Variants in RWDD1 observed in about 807,000 individuals in gnomAD.
RWDD1 encodes the protein RWD domain-containing protein 1.
In RWDD1, 17 loss-of-function variants were observed where a neutral mutation model predicts 31.6. The ratio of observed to expected loss-of-function variants is 0.54; its 90% CI spans 0.37 to 0.81. The LOEUF (loss-of-function observed/expected upper bound fraction) is 0.81. Among genes scored for constraint, RWDD1 ranks in the 30% least tolerant of loss-of-function variants. The pLI is 0.00. For missense variants in RWDD1, 204 were observed against 274.5 expected, an observed-to-expected ratio of 0.74 and a Z score of 1.82; for synonymous variants, 78 against 94.2, an observed-to-expected ratio of 0.83 and a Z score of 0.99.
intron 1 of RWDD1, among the ~76,000 whole-genome samples, chr6:116,576,271 A>G (rs1022862631): frequency 5.9e-5 from 9 of 152,198 alleles, no homozygotes; most frequent in Non-Finnish European, 1.0e-4. Flanking sequence ...TACTAGAAAT[A>G]CCATCTTAGT....
intron 1 of RWDD1, among the ~76,000 whole-genome samples, chr6:116,574,984 A>T (rs1418646351): frequency 6.6e-6 from 1 of 151,172 alleles, no homozygotes; most frequent in Non-Finnish European, 1.5e-5. Flanking sequence ...TGCCCAGGTT[A>T]GTCTCAAACT....
intron 1 of RWDD1, 126 bp downstream of exon 1, chr6:116,571,781 C>T: frequency 1.6e-6 from 1 of 644,272 alleles, no homozygotes; most frequent in Non-Finnish European, 2.5e-6. Context: ...GGCCACCTTG[C>T]CCTCCACTCC....
chr6:116,588,755 GA>G, intron 3 of RWDD1, 86 bp from the exon 4 acceptor site: 2 of 857,194 alleles, frequency 2.3e-6, no homozygotes, highest in South Asian at 4.4e-5. Flanking sequence ...TATGAACATA[GA>G]ATATAACCAA....
At chr6:116,591,338 A>G (rs1775140845) in intron 6 of RWDD1, among the ~76,000 whole-genome samples, 1 of 152,200 alleles carries the variant, frequency 6.6e-6, no homozygotes, top group South Asian at 2.1e-4. Context: ...ATAGAAGTAG[A>G]CAATGATGAT....
In RWDD1 at chr6:116,595,164, A is replaced by G. The variant is rs1026142474; in HGVS notation, c.*2063A>G. 6 of 152,250 alleles carry G rather than the reference A, an allele frequency of 3.9e-5. No individual in the cohort carries two copies. The highest frequency in any genetic ancestry group is 1.2e-4 in the African/African-American group (5 of 41,464). 9.4% of individuals were successfully genotyped at this position (152,250 alleles called of 1,614,324 possible). The stretch of plus-strand genomic sequence containing the variant: ...AAAAAATAAAAAGCAATTGTTAGCA[A>G]TGTGGTGCTGAAATCAAGACTTAAC... On this transcript the variant is annotated 3_prime_UTR_variant, in exon 7 of 7. Transcript: ENST00000466444.
intron 6 of RWDD1, among the ~76,000 whole-genome samples, chr6:116,592,160 C>T (rs185221976): frequency 6.6e-5 from 10 of 152,272 alleles, no homozygotes; most frequent in Admixed American, 5.2e-4. Flanking sequence ...GAATGACCTA[C>T]ACAATCTTTC....
chr6:116,589,082 GA>G, intron 4 of RWDD1, 97 bp downstream of exon 4: 1 of 1,022,588 alleles, frequency 9.8e-7, no homozygotes, highest in East Asian at 3.9e-5. Context: ...ATTTTTTTTG[GA>G]AATCACAAAA....
At position 116,590,970 on chromosome 6, in the gene RWDD1, C is replaced by G; in HGVS notation, c.610+20C>G. 1 of 1,559,362 alleles carries G rather than the reference C, an allele frequency of 6.4e-7. No homozygotes were observed. Among genetic ancestry groups the G allele is most frequent in the Non-Finnish European group, 8.6e-7 (1 of 1,162,672 alleles). On this transcript the variant is annotated intron_variant, in intron 6 of 6. Coordinates refer to ENST00000466444, the MANE Select transcript of RWDD1 (RefSeq NM_015952.4). Reference sequence around the variant, plus strand: ...AGGATGGTAAGATAATAGTAGAATTCCACATGTGGGACAGGCACAGTAGCT... The same window carrying G: ...AGGATGGTAAGATAATAGTAGAATTGCACATGTGGGACAGGCACAGTAGCT...
intron 2 of RWDD1, among the ~76,000 whole-genome samples, chr6:116,583,894 CT>C (rs35547211): frequency 2.0e-5 from 3 of 152,054 alleles, no homozygotes; most frequent in East Asian, 1.9e-4. Flanking sequence ...TTTTAAAGTG[CT>C]TTTTTTCCCC....
chr6:116,587,233 A>G (rs1051563463), intron 3 of RWDD1, among the ~76,000 whole-genome samples: 1 of 152,168 alleles, frequency 6.6e-6, no homozygotes, highest in African/African-American at 2.4e-5. Flanking sequence ...ATTCTGTATG[A>G]AAAATACTAT....
rs1441326982 is a variant in RWDD1, at chr6:116,590,251, T to G, written c.415-21T>G. 4 of 576,860 alleles carry G rather than the reference T, an allele frequency of 6.9e-6. No homozygotes were observed. In the South Asian group the frequency reaches 1.2e-4, roughly 17 times the overall value. The allele number at this position is 576,860 out of a possible 1,614,324, so 35.7% of individuals were successfully genotyped here. On this transcript the variant is annotated intron_variant, in intron 4 of 6. Coordinates refer to ENST00000466444, the MANE Select transcript of RWDD1 (RefSeq NM_015952.4). ...ACTGCTGTTTCATTAATCTGGTGAC[T>G]TTTTTTTTTTATTTCCTAAGCAATT...
chr6:116,578,210 T>G (rs1774884528), intron 1 of RWDD1, among the ~76,000 whole-genome samples: 1 of 152,232 alleles, frequency 6.6e-6, no homozygotes, highest in East Asian at 1.9e-4. Flanking sequence ...ATTTAATAGT[T>G]TTTAAGACAT....
chr6:116,583,041 T>A (rs1774976011), intron 2 of RWDD1, among the ~76,000 whole-genome samples: 1 of 151,714 alleles, frequency 6.6e-6, no homozygotes, highest in African/African-American at 2.4e-5. Flanking sequence ...TCCATGGTGC[T>A]ATCTTAGCTC....
chr6:116,590,949 T>C lies in RWDD1; in HGVS notation c.609T>C (p.Asp203=), dbSNP rs753424591. Residue 203 remains aspartate (D), a splice_region_variant and synonymous_variant, in exon 6 of 7, where the codon GAT becomes GAC. Coordinates refer to ENST00000466444, the MANE Select transcript of RWDD1 (RefSeq NM_015952.4). ...LDTSDIQFLE[D]AGNNVEVDES... ...CATCTGATATCCAGTTCTTGGAGGA[T>C]GGTAAGATAATAGTAGAATTCCACA... is the stretch of plus-strand genomic sequence containing the variant. 34 of 1,578,374 alleles carry C rather than the reference T, an allele frequency of 2.2e-5. No homozygotes were observed. In the East Asian group the frequency reaches 4.2e-4, roughly 19 times the overall value.
At position 116,592,056 on chromosome 6, in the gene RWDD1, C is replaced by T. The variant is rs191474353; in HGVS notation, c.611-924C>T. Reference sequence around the variant, plus strand: ...CTAGTGCCATTACCTATTCTATAGTCACTCCCTATGAGATGGTATTCCTAA... The same window carrying T: ...CTAGTGCCATTACCTATTCTATAGTTACTCCCTATGAGATGGTATTCCTAA... On this transcript the variant is annotated intron_variant, in intron 6 of 6. Transcript: ENST00000466444. Among the ~76,000 whole-genome samples the T allele has an allele frequency of 3.3e-3, 497 of 152,300 alleles. 13 individuals carry two copies. The highest frequency in any genetic ancestry group is 0.024 in the Admixed American group (368 of 15,300).
intron 1 of RWDD1, among the ~76,000 whole-genome samples, chr6:116,574,680 CTT>C (rs1212854375): frequency 2.8e-4 from 43 of 150,888 alleles, no homozygotes; most frequent in African/African-American, 1.0e-3. Context: ...CTCTCTCTCT[CTT>C]CCTTCCTTCC....
At chr6:116,577,236 G>T (rs372892703) in intron 1 of RWDD1, among the ~76,000 whole-genome samples, 1 of 152,102 alleles carries the variant, frequency 6.6e-6, no homozygotes, top group East Asian at 1.9e-4. Flanking sequence ...GGCAGGATGG[G>T]GTAGAATGAG....
Position 116,590,256 on chromosome 6 carries a change from T to G in RWDD1, c.415-16T>G. 6.9e-7 allele frequency: 1 copy of G among 1,451,726 alleles called. No individual in the cohort carries two copies. The highest frequency in any genetic ancestry group is 9.3e-7 in the Non-Finnish European group (1 of 1,072,306). 89.9% of individuals were successfully genotyped at this position (1,451,726 alleles called of 1,614,324 possible). A position where few individuals can be genotyped will look rare whatever the true frequency, so the allele number is the denominator to read the frequency against. The stretch of plus-strand genomic sequence containing the variant: ...TGTTTCATTAATCTGGTGACTTTTT[T>G]TTTTTATTTCCTAAGCAATTATTCC... On this transcript the variant is annotated splice_polypyrimidine_tract_variant and intron_variant, in intron 4 of 6. Transcript: ENST00000466444.
Position 116,580,345 on chromosome 6 carries a change from G to T in RWDD1, c.124G>T (p.Gly42Ter). 6.2e-7 allele frequency: 1 copy of T among 1,600,298 alleles called. No individual in the cohort carries two copies. The highest frequency in any genetic ancestry group is 1.1e-5 in the South Asian group (1 of 89,022). ...SFTITVTSEA[G>*]ENDETVQTTL... is the part of the protein sequence containing the mutation. Reference sequence around the variant, plus strand: ...CACCATTACTGTGACGTCTGAGGCTGGAGAAAATGATGAAAGTAAGTCTTA... The same window carrying T: ...CACCATTACTGTGACGTCTGAGGCTTGAGAAAATGATGAAAGTAAGTCTTA... Residue 42 changes from glycine (G) to a stop codon, truncating the protein, a stop_gained, in exon 2 of 7, where the codon GGA (glycine) becomes TGA (stop). Transcript: ENST00000466444. LOFTEE classifies it high-confidence loss of function.
Sources: gnomAD v4.1 joint callset for allele counts (sites outside exome capture counted in the v4.1 genomes callset) on GRCh38, gnomAD v4.1.1 for gene constraint, MANE v1.5 for transcripts, NCBI Gene and HGNC (gene_info 2026-07-23, HGNC 2026-07-21) for gene names.